NR6A1: variants seen among roughly 807,000 people sequenced by gnomAD.
NR6A1 encodes nuclear receptor subfamily 6 group A member 1.
In NR6A1, 7 loss-of-function variants were observed where a neutral mutation model predicts 59.1. That is an observed-to-expected ratio of 0.12 (90% confidence interval 0.07 to 0.22). The LOEUF is 0.22. NR6A1 is among the 10% of genes least tolerant of loss of function. NR6A1 has a pLI of 1.00. For missense variants in NR6A1, 468 were observed against 611.6 expected, an observed-to-expected ratio of 0.77 and a Z score of 2.48; for synonymous variants, 243 against 236.1, an observed-to-expected ratio of 1.03 and a Z score of -0.27.
chr9:124,633,295 C>A (rs528689113), intron 2 of NR6A1, among the ~76,000 whole-genome samples: 1 of 148,698 alleles, frequency 6.7e-6, no homozygotes, highest in African/African-American at 2.5e-5. Flanking sequence ...CCCAGCTACA[C>A]GGGAGGCTGA....
intron 7 of NR6A1, among the ~76,000 whole-genome samples, chr9:124,534,269 C>G (rs968507213): frequency 5.3e-5 from 8 of 151,964 alleles, no homozygotes; most frequent in African/African-American, 1.9e-4. Flanking sequence ...GACAGGGGTT[C>G]TCCATGTCAG....
At chr9:124,552,858 TC>T (rs762635895) in intron 3 of NR6A1, among the ~76,000 whole-genome samples, 13 of 152,298 alleles carry the variant, frequency 8.5e-5, no homozygotes, top group Non-Finnish European at 1.8e-4. Context: ...CTCTTACCTT[TC>T]TTCATGATGG....
chr9:124,770,593 G>A (rs934378338), intron 1 of NR6A1, among the ~76,000 whole-genome samples: 7 of 149,376 alleles, frequency 4.7e-5, no homozygotes, highest in South Asian at 2.2e-4. Flanking sequence ...TGCCCCCACT[G>A]ACGGACCGCG....
Position 124,770,885 on chromosome 9 carries a change from G to A in NR6A1, c.100+135C>T, listed in dbSNP as rs969955495. 1.6e-5 allele frequency: 7 copies of A among 441,632 alleles called. No homozygotes were observed. In the East Asian group the frequency reaches 2.1e-4, roughly 13 times the overall value. The allele number at this position is 441,632 out of a possible 1,614,324, so 27.4% of individuals were successfully genotyped here. The stretch of plus-strand genomic sequence containing the variant: ...GGTCCGCGCCAACGGGGAACGGGGT[G>A]AAGGGCCACCCTAAGGGGCCGCGGG... On this transcript the variant is annotated intron_variant, in intron 1 of 9. Coordinates refer to ENST00000487099, the MANE Select transcript of NR6A1 (RefSeq NM_033334.4).
intron 2 of NR6A1, among the ~76,000 whole-genome samples, chr9:124,679,638 T>A (rs527855699): frequency 6.6e-6 from 1 of 151,934 alleles, no homozygotes; most frequent in African/African-American, 2.4e-5. Flanking sequence ...TGCCTGTAAT[T>A]CCAGCACTTT....
chr9:124,601,617 AAAAG>A (rs1383816507), intron 2 of NR6A1, among the ~76,000 whole-genome samples: 1 of 142,464 alleles, frequency 7.0e-6, no homozygotes, highest in African/African-American at 2.5e-5. Context: ...AAAAGAAAAG[AAAAG>A]AAAAAAAAAG....
intron 2 of NR6A1, among the ~76,000 whole-genome samples, chr9:124,622,042 C>T (rs1471559684): frequency 2.0e-5 from 3 of 152,160 alleles, no homozygotes; most frequent in South Asian, 4.2e-4. Flanking sequence ...GGTGAAACCC[C>T]GTCTCTAACA....
chr9:124,538,031 T>C (rs1433170051), intron 6 of NR6A1, 61 bp downstream of exon 6: 84 of 1,386,886 alleles, frequency 6.1e-5, no homozygotes, highest in Non-Finnish European at 2.3e-5. Context: ...GGGACGCGAG[T>C]GGGTGTGGGG....
chr9:124,572,461 G>A (rs1834465055), intron 2 of NR6A1, among the ~76,000 whole-genome samples: 2 of 152,164 alleles, frequency 1.3e-5, no homozygotes, highest in Non-Finnish European at 2.9e-5. Flanking sequence ...TTTCCAATAT[G>A]TTTGATGAGA....
chr9:124,610,159 G>C (rs1588707519), intron 2 of NR6A1, among the ~76,000 whole-genome samples: 1 of 152,130 alleles, frequency 6.6e-6, no homozygotes, highest in Non-Finnish European at 1.5e-5. Flanking sequence ...GTGAGAGAAG[G>C]CATCCCGGTC....
chr9:124,574,846 T>C (rs892784514), intron 2 of NR6A1, among the ~76,000 whole-genome samples: 2 of 152,196 alleles, frequency 1.3e-5, no homozygotes, highest in African/African-American at 2.4e-5. Flanking sequence ...ATGAATGCAA[T>C]AGAATTTATT....
intron 2 of NR6A1, among the ~76,000 whole-genome samples, chr9:124,643,444 T>A (rs1836827138): frequency 6.6e-6 from 1 of 151,366 alleles, no homozygotes; most frequent in South Asian, 2.1e-4. Context: ...CTACCAAAAA[T>A]ACAAAAATTA....
rs142356293 is a variant in NR6A1, at chr9:124,548,863, G to A, written c.386-5006C>T. On this transcript the variant is annotated intron_variant, in intron 3 of 9. Coordinates refer to ENST00000487099, the MANE Select transcript of NR6A1 (RefSeq NM_033334.4). ...GACACCCACCCCCACCACCCGCCAC[G>A]AAGCTGACTGTATCCTCATTTCTCC... Among the ~76,000 whole-genome samples the A allele has an allele frequency of 2.0e-5, 3 of 151,324 alleles. 1 individual carries two copies. Among genetic ancestry groups the A allele is most frequent in the South Asian group, 4.2e-4 (2 of 4,778 alleles).
chr9:124,540,000 A>AAAGCTCACCTTTAAGG (rs747697397), intron 5 of NR6A1, 33 bp downstream of exon 5: 2 of 1,558,696 alleles, frequency 1.3e-6, no homozygotes, highest in East Asian at 2.4e-5. Context: ...GGGGATCCCT[A>AAAGCTCACCTTTAAGG]GATGATGACC....
At position 124,524,853 on chromosome 9, in the gene NR6A1, C is replaced by T; in HGVS notation, c.1222G>A (p.Ala408Thr). Residue 408 changes from alanine to threonine, a missense_variant, in exon 9 of 10, where the codon GCC becomes ACC. This residue lies in a region of NR6A1 where 176 missense variants were observed against 264.0 expected (regional missense o/e 0.67). Coordinates refer to ENST00000487099, the MANE Select transcript of NR6A1 (RefSeq NM_033334.4). ...TTATTCAATTGTTCCAGCTGTGAGGCACTGGTCAGACCCCTGATATCTGTG... is the reference window on the plus strand; with the variant it reads ...TTATTCAATTGTTCCAGCTGTGAGGTACTGGTCAGACCCCTGATATCTGTG... ...LNQDIRGLTSASQLEQLNKRY... is the reference protein window; with the variant it reads ...LNQDIRGLTSTSQLEQLNKRY... 4 of 1,612,500 alleles carry T rather than the reference C, an allele frequency of 2.5e-6. No individual in the cohort carries two copies. The highest frequency in any genetic ancestry group is 3.4e-6 in the Non-Finnish European group (4 of 1,179,580).
intron 7 of NR6A1, 120 bp downstream of exon 7, chr9:124,535,758 G>T: frequency 2.4e-6 from 3 of 1,251,384 alleles, no homozygotes; most frequent in Non-Finnish European, 3.4e-6. Context: ...GCAGAGTGAG[G>T]ATTCAAATCC....
intron 2 of NR6A1, among the ~76,000 whole-genome samples, chr9:124,604,675 T>C (rs911494960): frequency 6.6e-6 from 1 of 152,040 alleles, no homozygotes; most frequent in Non-Finnish European, 1.5e-5. Context: ...CTGGGTGTGG[T>C]GGTGCACGCC....
chr9:124,701,853 A>C (rs1396282098), intron 2 of NR6A1, among the ~76,000 whole-genome samples: 1 of 152,044 alleles, frequency 6.6e-6, no homozygotes, highest in Admixed American at 6.6e-5. Flanking sequence ...CCTCCCGAGT[A>C]GCTGGGATTA....
chr9:124,740,567 C>G (rs191857296), intron 1 of NR6A1, among the ~76,000 whole-genome samples: 1 of 152,304 alleles, frequency 6.6e-6, no homozygotes, highest in East Asian at 1.9e-4. Flanking sequence ...TATGCTCCCA[C>G]AGGTTCCTGT....
Sources: gnomAD v4.1 joint callset for allele counts (sites outside exome capture counted in the v4.1 genomes callset) on GRCh38, gnomAD v4.1.1 for gene constraint, gnomAD v4.1.1 regional missense constraint, MANE v1.5 for transcripts, NCBI Gene and HGNC (gene_info 2026-07-23, HGNC 2026-07-21) for gene names.